The following DENND2B variants were observed in gnomAD, a reference collection of about 807,000 sequenced individuals.
DENND2B encodes the protein DENN domain containing 2B.
Under a neutral mutation model 116.0 loss-of-function variants are expected in DENND2B, and 32 were observed. The ratio of observed to expected loss-of-function variants is 0.28; its 90% CI spans 0.21 to 0.37. The LOEUF (loss-of-function observed/expected upper bound fraction) is 0.37, where lower values mean the gene tolerates loss of function less well. Among genes scored for constraint, DENND2B ranks in the 10% least tolerant of loss-of-function variants. The pLI, the probability that DENND2B is intolerant of heterozygous loss-of-function variation, is 1.00. For missense variants in DENND2B, 1,276 were observed against 1,477.7 expected (o/e 0.86, Z 2.24); for synonymous variants, 588 against 583.9 (o/e 1.01, Z -0.10).
At position 8,710,723 on chromosome 11, in the gene DENND2B, G is replaced by A. The variant is rs2043461616; in HGVS notation, c.2352+122C>T. The stretch of plus-strand genomic sequence containing the variant: ...GGGTGGCCTCAGGAAGCATAACATA[G>A]GATTTCATACAAGCTAAAATTGCAG... On this transcript the variant is annotated intron_variant, in intron 11 of 19. Transcript: ENST00000313726. 3.8e-6 allele frequency: 4 copies of A among 1,059,404 alleles called. No homozygotes were observed. In the Admixed American group the frequency reaches 6.0e-5, roughly 16 times the overall value. 65.6% of individuals were successfully genotyped at this position (1,059,404 alleles called of 1,614,324 possible).
At chr11:8,715,526 C>A in intron 6 of DENND2B, 77 bp downstream of exon 6, 3 of 1,477,290 alleles carry the variant, frequency 2.0e-6, no homozygotes, top group Non-Finnish European at 2.8e-6. Context: ...AGGAAGGAAG[C>A]CAGGAAAGAG....
chr11:8,881,438 A>C (rs1311314311), intron 1 of DENND2B, among the ~76,000 whole-genome samples: 2 of 151,954 alleles, frequency 1.3e-5, no homozygotes, highest in East Asian at 3.9e-4. Flanking sequence ...TTTTTGTTCT[A>C]CTGTATGGGA....
At chr11:8,835,144 T>G (rs1241091946) in intron 4 of DENND2B, among the ~76,000 whole-genome samples, 1 of 152,114 alleles carries the variant, frequency 6.6e-6, no homozygotes, top group Non-Finnish European at 1.5e-5. Flanking sequence ...CTCGGGAGGC[T>G]GAAGTGGGAG....
At chr11:8,717,678 A>G in intron 5 of DENND2B, 63 bp downstream of exon 5, 1 of 1,471,970 alleles carries the variant, frequency 6.8e-7, no homozygotes, top group South Asian at 1.5e-5. Context: ...CAAGTCTTGG[A>G]AGAGCAGGCC....
intron 4 of DENND2B, among the ~76,000 whole-genome samples, chr11:8,723,916 G>A (rs1471955705): frequency 6.6e-6 from 1 of 152,226 alleles, no homozygotes; most frequent in African/African-American, 2.4e-5. Context: ...CATGGCTGCT[G>A]TCTCCCCAGA....
chr11:8,719,486 G>A (rs2045751726), intron 4 of DENND2B, among the ~76,000 whole-genome samples: 1 of 152,200 alleles, frequency 6.6e-6, no homozygotes, highest in Admixed American at 6.5e-5. Flanking sequence ...CAATGGAACA[G>A]ACCTTTTCCT....
intron 1 of DENND2B, among the ~76,000 whole-genome samples, chr11:8,780,487 C>T (rs780832955): frequency 1.4e-4 from 21 of 152,070 alleles, no homozygotes; most frequent in Non-Finnish European, 2.9e-4. Flanking sequence ...AGGGGTATTC[C>T]TACACAGATA....
chr11:8,900,430 C>CA (rs3047629), intron 1 of DENND2B, among the ~76,000 whole-genome samples: 37,455 of 114,328 alleles, frequency 0.33, 7,055 homozygotes, highest in Non-Finnish European at 0.43. Context: ...GACTCCATCT[C>CA]AAAAAAAAAA....
chr11:8,715,717 G>T lies in DENND2B; in HGVS notation c.1731C>A (p.Asp577Glu), dbSNP rs753351229. The T allele has an allele frequency of 1.2e-6, 2 of 1,614,262 alleles. No homozygotes were observed. The highest frequency in any genetic ancestry group is 1.7e-6 in the Non-Finnish European group (2 of 1,180,054). ...PRLPKRHSHDDMLLLAQLSLP... is the reference protein window; with the variant it reads ...PRLPKRHSHDEMLLLAQLSLP... ...GACTCAGCTGAGCCAGCAGCAGCAT[G>T]TCGTCATGGCTGTGCCTCTTGGGTA... Residue 577 changes from aspartate (D) to glutamate (E), a missense_variant, in exon 6 of 20, where the codon GAC (aspartate) becomes GAA (glutamate). Physicochemically the swap from Asp to Glu is conservative, Grantham distance 45 (BLOSUM62 2). Transcript: ENST00000313726.
intron 1 of DENND2B, among the ~76,000 whole-genome samples, chr11:8,772,370 G>A (rs1485268262): frequency 6.6e-6 from 1 of 152,072 alleles, no homozygotes; most frequent in Admixed American, 6.5e-5. Flanking sequence ...CAAAAGTATG[G>A]GTGGCCCTGA....
chr11:8,910,447 G>A (rs1439229882), intron 1 of DENND2B, among the ~76,000 whole-genome samples: 2 of 151,994 alleles, frequency 1.3e-5, no homozygotes, highest in Non-Finnish European at 2.9e-5. Context: ...AGGCTGGAGT[G>A]CAGTGGCGCG....
At position 8,863,344 on chromosome 11, in the gene DENND2B, C is replaced by A. The variant is rs796380967; in HGVS notation, c.-249-5908G>T. ...CGATCTCGGCTCACTGCAAGCTCCA[C>A]CTCTCAGCCTCCCCAGCAGCTGGGA... On this transcript the variant is annotated intron_variant, in intron 2 of 6. Coordinates refer to the DENND2B transcript ENST00000524757. Among the ~76,000 whole-genome samples, 16 of 37,414 alleles carry A rather than the reference C, an allele frequency of 4.3e-4. 3 individuals are homozygous for A. Among genetic ancestry groups the A allele is most frequent in the African/African-American group, 1.4e-3 (16 of 11,460 alleles). 24.5% of individuals were successfully genotyped at this position (37,414 alleles called of 152,430 possible). A position where few individuals can be genotyped will look rare whatever the true frequency, so the allele number is the denominator to read the frequency against.
intron 4 of DENND2B, chr11:8,718,763 A>G (rs554839876): frequency 3.8e-6 from 4 of 1,040,744 alleles, no homozygotes; most frequent in East Asian, 7.8e-5. Context: ...ATTACCAGAA[A>G]ATCTCAGAAA....
At chr11:8,876,107 C>T (rs544668712), upstream of DENND2B, among the ~76,000 whole-genome samples, 7 of 152,118 alleles carry the variant, frequency 4.6e-5, no homozygotes, top group South Asian at 4.2e-4. Context: ...TACTATAGGC[C>T]GGGCATGGTG....
chr11:8,909,313 G>A (rs761682937), intron 1 of DENND2B, among the ~76,000 whole-genome samples: 2 of 152,136 alleles, frequency 1.3e-5, no homozygotes, highest in Non-Finnish European at 2.9e-5. Context: ...GCAGTGAGCC[G>A]AGATCGTGCC....
At chr11:8,824,517 C>T (rs2061895694) in intron 4 of DENND2B, among the ~76,000 whole-genome samples, 3 of 152,114 alleles carry the variant, frequency 2.0e-5, no homozygotes. Context: ...CATGTTCCTG[C>T]AAAGGACATG....
chr11:8,695,433 A>G, intron 19 of DENND2B, 30 bp downstream of exon 19: 1 of 1,595,630 alleles, frequency 6.3e-7, no homozygotes, highest in South Asian at 1.1e-5. Flanking sequence ...CTTGCTGAAC[A>G]TCTATCTCAT....
chr11:8,805,952 C>T (rs1040268919), intron 1 of DENND2B, among the ~76,000 whole-genome samples: 2 of 152,132 alleles, frequency 1.3e-5, no homozygotes, highest in Non-Finnish European at 2.9e-5. Flanking sequence ...GGTGTTAACC[C>T]TAATGCCAGC....
In DENND2B at chr11:8,854,453, C is replaced by T. The variant is rs183330778; in HGVS notation, c.-156+2890G>A. 5.1e-4 allele frequency among the ~76,000 whole-genome samples: 77 copies of T among 151,814 alleles called. 1 individual carries two copies. The highest frequency in any genetic ancestry group is 1.7e-3 in the African/African-American group (72 of 41,404). On this transcript the variant is annotated intron_variant, in intron 3 of 6. Coordinates refer to the DENND2B transcript ENST00000524757. Reference sequence around the variant, plus strand: ...CTGACCTCAAGTGATCCACCTGCGTCGGCCTCCCAAAGTGTTGAGATTACA... The same window carrying T: ...CTGACCTCAAGTGATCCACCTGCGTTGGCCTCCCAAAGTGTTGAGATTACA...
Sources: allele counts gnomAD v4.1 joint callset (sites outside exome capture counted in the v4.1 genomes callset), GRCh38; gene constraint gnomAD v4.1.1; transcripts MANE v1.5; gene names NCBI Gene and HGNC (gene_info 2026-07-23, HGNC 2026-07-21).